FRYL: variants seen among roughly 807,000 people sequenced by gnomAD.
FRYL encodes FRY like transcription coactivator, also known as protein furry homolog-like.
Under a neutral mutation model 351.2 loss-of-function variants are expected in FRYL, and 150 were observed. The observed-to-expected ratio is 0.43, with a 90% CI of 0.37 to 0.49. The LOEUF (loss-of-function observed/expected upper bound fraction) is 0.49, where lower values mean the gene tolerates loss of function less well. Among genes scored for constraint, FRYL ranks in the 20% least tolerant of loss-of-function variants. The probability of loss-of-function intolerance (pLI) is 0.00; values close to 1 mark genes in which losing one functional copy is unlikely to be tolerated. For missense variants in FRYL, 3,036 were observed against 3,619.3 expected (o/e 0.84, Z 4.13); for synonymous variants, 1,153 against 1,257.1 (o/e 0.92, Z 1.75).
chr4:48,632,500 C>G (rs1240826655), intron 4 of FRYL, among the ~76,000 whole-genome samples: 1 of 150,470 alleles, frequency 6.6e-6, no homozygotes, highest in Non-Finnish European at 1.5e-5. Flanking sequence ...TGAACTTATG[C>G]TATAGGCTTT....
At chr4:48,543,747 C>T in intron 44 of FRYL, 60 bp downstream of exon 44, 1 of 1,455,778 alleles carries the variant, frequency 6.9e-7, no homozygotes, top group Non-Finnish European at 9.5e-7. Flanking sequence ...TCTATATGGA[C>T]AATAAATCCT....
intron 2 of FRYL, among the ~76,000 whole-genome samples, chr4:48,708,335 C>A (rs780518312): frequency 2.0e-5 from 3 of 151,436 alleles, no homozygotes; most frequent in Non-Finnish European, 4.4e-5. Flanking sequence ...GGCATGGTAG[C>A]ACACACCTGT....
At chr4:48,668,079 T>TA (rs2149493180) in intron 3 of FRYL, among the ~76,000 whole-genome samples, 1 of 152,252 alleles carries the variant, frequency 6.6e-6, no homozygotes, top group Admixed American at 6.5e-5. Flanking sequence ...CCAACAGCTG[T>TA]TTTTTTAAAT....
chr4:48,686,012 A>C (rs1765122010), intron 2 of FRYL, among the ~76,000 whole-genome samples: 1 of 152,118 alleles, frequency 6.6e-6, no homozygotes, highest in African/African-American at 2.4e-5. Flanking sequence ...AAAGGCTGGG[A>C]TTACAGGCGT....
intron 3 of FRYL, among the ~76,000 whole-genome samples, chr4:48,649,748 G>C (rs943049325): frequency 1.3e-5 from 2 of 152,134 alleles, no homozygotes; most frequent in African/African-American, 4.8e-5. Context: ...AAAGAAATAA[G>C]CTCAACTATA....
chr4:48,562,768 T>A lies in FRYL; in HGVS notation c.3696+121A>T, dbSNP rs576830650. ...TAATAATAATTAGGCCTTGATACCA[T>A]AACTTCTTTACTATAAATAAAGCTA... On this transcript the variant is annotated intron_variant, in intron 32 of 63. Transcript: ENST00000358350. 65 of 624,308 alleles carry A rather than the reference T, an allele frequency of 1.0e-4. No individual in the cohort carries two copies. In the South Asian group the frequency reaches 1.3e-3, roughly 12 times the overall value. 38.7% of individuals were successfully genotyped at this position (624,308 alleles called of 1,614,324 possible). A position where few individuals can be genotyped will look rare whatever the true frequency, so the allele number is the denominator to read the frequency against.
chr4:48,778,590 C>CA (rs989445446), intron 1 of FRYL, among the ~76,000 whole-genome samples: 1 of 152,222 alleles, frequency 6.6e-6, no homozygotes, highest in African/African-American at 2.4e-5. Flanking sequence ...AAACATTCTT[C>CA]ACTAAGGCCT....
chr4:48,588,148 T>G (rs1742530917), intron 18 of FRYL, among the ~76,000 whole-genome samples: 1 of 152,198 alleles, frequency 6.6e-6, no homozygotes, highest in African/African-American at 2.4e-5. Flanking sequence ...GACAGCAAAG[T>G]GTGCAATGGT....
At chr4:48,681,393 C>T (rs1459463130) in intron 3 of FRYL, among the ~76,000 whole-genome samples, 1 of 151,978 alleles carries the variant, frequency 6.6e-6, no homozygotes, top group African/African-American at 2.4e-5. Flanking sequence ...TGGGTGTTAA[C>T]GACAATACTG....
intron 55 of FRYL, among the ~76,000 whole-genome samples, chr4:48,517,648 T>C (rs1413046344): frequency 1.3e-5 from 2 of 152,190 alleles, no homozygotes; most frequent in Non-Finnish European, 2.9e-5. Flanking sequence ...TGTGAGTAAA[T>C]ACAAGTGAAG....
rs750820772 is a variant in FRYL at position 48,544,774 on chromosome 4, A to G, written c.5401+9T>C. 1 of 1,568,012 alleles carries G rather than the reference A, an allele frequency of 6.4e-7. No individual in the cohort carries two copies. The highest frequency in any genetic ancestry group is 2.1e-5 in the Admixed American group (1 of 47,898). On this transcript the variant is annotated intron_variant, in intron 43 of 63. Coordinates refer to ENST00000358350, the MANE Select transcript of FRYL (RefSeq NM_015030.2). The stretch of plus-strand genomic sequence containing the variant: ...TGTCACTAAAACTAAAATATTTCTT[A>G]AAAGATACCTGAGCTTGACTGCTTA...
chr4:48,515,810 T>G (rs1723465940), intron 55 of FRYL, among the ~76,000 whole-genome samples: 1 of 152,166 alleles, frequency 6.6e-6, no homozygotes, highest in African/African-American at 2.4e-5. Context: ...GATTTAGGTG[T>G]TTACTTGGAA....
At chr4:48,766,400 CAG>C (rs1774954681) in intron 1 of FRYL, among the ~76,000 whole-genome samples, 1 of 152,174 alleles carries the variant, frequency 6.6e-6, no homozygotes, top group South Asian at 2.1e-4. Context: ...CCCCAGGAAT[CAG>C]TGACTTTTGG....
In FRYL at chr4:48,666,690, G is replaced by A. The variant is rs530453702; in HGVS notation, c.-81+17983C>T. ...TAAGGGCTACTTAACAGGAAATTTT[G>A]GAAGCCTAAGAAATAATAAAGAGAA... On this transcript the variant is annotated intron_variant, in intron 3 of 63. Coordinates refer to ENST00000358350, the MANE Select transcript of FRYL (RefSeq NM_015030.2). Among the ~76,000 whole-genome samples the A allele has an allele frequency of 5.3e-5, 8 of 152,086 alleles. No individual in the cohort carries two copies. The East Asian group carries it at 1.5e-3, about 29-fold the overall frequency.
chr4:48,577,920 C>A (rs1334771890), intron 23 of FRYL, among the ~76,000 whole-genome samples: 1 of 150,336 alleles, frequency 6.7e-6, no homozygotes, highest in East Asian at 1.9e-4. Flanking sequence ...AAAAAGAAAT[C>A]CAATACACAA....
chr4:48,714,999 A>T (rs919037529), intron 1 of FRYL, among the ~76,000 whole-genome samples: 83 of 152,204 alleles, frequency 5.5e-4, no homozygotes, highest in African/African-American at 1.8e-3. Flanking sequence ...ATCCAGCATA[A>T]AAACAGAACC....
intron 45 of FRYL, among the ~76,000 whole-genome samples, chr4:48,541,295 T>C (rs1277258563): frequency 6.6e-6 from 1 of 152,158 alleles, no homozygotes; most frequent in East Asian, 1.9e-4. Context: ...TCCTCAAACT[T>C]GATGGTCCTG....
intron 18 of FRYL, 23 bp from the exon 19 acceptor site, chr4:48,586,751 A>G (rs776305126): frequency 1.4e-6 from 2 of 1,454,748 alleles, no homozygotes; most frequent in Non-Finnish European, 1.9e-6. Context: ...ACAGGATTTA[A>G]TAAGAAACAT....
chr4:48,702,455 CAAAAAAAAAAAAAAAAAAAAAA>C (rs34675617), intron 2 of FRYL, among the ~76,000 whole-genome samples: 481 of 29,446 alleles, frequency 0.016, 6 homozygotes, highest in African/African-American at 0.062. Context: ...GACTCTGTCT[CAAAAAAAAAAAAAAAAAAAAAA>C]AAAAAAAAAA....
Sources: allele counts gnomAD v4.1 joint callset (sites outside exome capture counted in the v4.1 genomes callset), GRCh38; gene constraint gnomAD v4.1.1; transcripts MANE v1.5; gene names NCBI Gene and HGNC (gene_info 2026-07-23, HGNC 2026-07-21).